The following CNBD2 variants were observed in gnomAD, a reference collection of about 807,000 sequenced individuals.
CNBD2 encodes the protein cyclic nucleotide-binding domain-containing protein 2.
CNBD2 carries 64 observed loss-of-function variants against 63.7 expected under a neutral mutation model. The observed-to-expected ratio is 1.00, with a 90% CI of 0.82 to 1.24. The LOEUF (loss-of-function observed/expected upper bound fraction) is 1.24. Ranked by LOEUF, CNBD2 falls within the 50% of genes most tolerant of loss-of-function variation. The probability of loss-of-function intolerance (pLI) is 0.00; values close to 1 mark genes in which losing one functional copy is unlikely to be tolerated. For missense variants in CNBD2, 691 were observed against 713.5 expected (o/e 0.97, Z 0.36); for synonymous variants, 229 against 255.4 (o/e 0.90, Z 0.99).
chr20:36,030,042 GC>G (rs2057325831), intron 11 of CNBD2, among the ~76,000 whole-genome samples: 1 of 152,162 alleles, frequency 6.6e-6, no homozygotes, highest in South Asian at 2.1e-4. Flanking sequence ...TGATTAAGGA[GC>G]TATTTTACTT....
At chr20:35,968,417 C>A (rs1392723674), upstream of CNBD2, among the ~76,000 whole-genome samples, 1 of 152,154 alleles carries the variant, frequency 6.6e-6, no homozygotes, top group Non-Finnish European at 1.5e-5. Context: ...CTACTTTGAG[C>A]CCCAGTCTCC....
chr20:35,986,304 G>A (rs2147248764), intron 6 of CNBD2, among the ~76,000 whole-genome samples: 1 of 152,186 alleles, frequency 6.6e-6, no homozygotes, highest in South Asian at 2.1e-4. Flanking sequence ...TGGAAAAGTG[G>A]GGATTTAGTC....
chr20:35,986,571 T>G (rs1193605457), intron 6 of CNBD2, among the ~76,000 whole-genome samples: 1 of 152,180 alleles, frequency 6.6e-6, no homozygotes, highest in Non-Finnish European at 1.5e-5. Flanking sequence ...GGCCCTACTT[T>G]TCTTCTGGTG....
chr20:35,958,660 G>A (rs539729232), downstream of CNBD2, among the ~76,000 whole-genome samples: 3 of 152,098 alleles, frequency 2.0e-5, no homozygotes, highest in South Asian at 6.2e-4. Flanking sequence ...GTGTGTGTGT[G>A]TAGGTCTATG....
At chr20:35,984,502 A>G (rs559525000) in intron 5 of CNBD2, 125 bp from the exon 6 acceptor site, 14 of 990,206 alleles carry the variant, frequency 1.4e-5, no homozygotes, top group Middle Eastern at 3.3e-4. Flanking sequence ...AGAGGAGGCT[A>G]GGGAACACAC....
At chr20:35,986,696 ACTC>A (rs2056672380) in intron 6 of CNBD2, among the ~76,000 whole-genome samples, 1 of 152,176 alleles carries the variant, frequency 6.6e-6, no homozygotes, top group Admixed American at 6.5e-5. Context: ...GATTCAATGA[ACTC>A]AGTCCACCTG....
chr20:35,972,886 C>A, intron 2 of CNBD2, 120 bp downstream of exon 2: 2 of 905,890 alleles, frequency 2.2e-6, no homozygotes, highest in Non-Finnish European at 3.4e-6. Flanking sequence ...GATGAGAGAC[C>A]CAATGGTCAC....
chr20:36,024,669 C>T (rs1442544779), intron 11 of CNBD2, among the ~76,000 whole-genome samples: 1 of 151,164 alleles, frequency 6.6e-6, no homozygotes, highest in Non-Finnish European at 1.5e-5. Context: ...TGGCTCATGC[C>T]TGTAATCCCA....
intron 11 of CNBD2, among the ~76,000 whole-genome samples, chr20:36,024,083 C>A (rs994197179): frequency 6.6e-6 from 1 of 152,226 alleles, no homozygotes; most frequent in Non-Finnish European, 1.5e-5. Flanking sequence ...CGCCTATAAT[C>A]CCAGCACTTT....
chr20:36,002,821 T>A (rs1453345378), intron 8 of CNBD2, among the ~76,000 whole-genome samples: 2 of 152,034 alleles, frequency 1.3e-5, no homozygotes, highest in Non-Finnish European at 2.9e-5. Context: ...TTGACCATGA[T>A]TTTTTCAAAA....
chr20:36,025,371 G>A (rs2057270971), intron 11 of CNBD2, among the ~76,000 whole-genome samples: 1 of 151,966 alleles, frequency 6.6e-6, no homozygotes, highest in Non-Finnish European at 1.5e-5. Context: ...TTCTCACTCT[G>A]TTCCCCAGGC....
intron 8 of CNBD2, among the ~76,000 whole-genome samples, chr20:36,000,123 C>G (rs139546386): frequency 6.6e-6 from 1 of 152,200 alleles, no homozygotes. Flanking sequence ...GCCTGAAGTA[C>G]TTCCTTTAAC....
chr20:35,965,825 G>A (rs1449037394), upstream of CNBD2, among the ~76,000 whole-genome samples: 2 of 152,150 alleles, frequency 1.3e-5, no homozygotes, highest in African/African-American at 4.8e-5. Context: ...CCCATTCATA[G>A]CTCTCCAAAC....
Position 35,968,778 on chromosome 20 carries a change from G to A in CNBD2, c.16G>A (p.Val6Ile), listed in dbSNP as rs1184344164. 1 of 1,609,364 alleles carries A rather than the reference G, an allele frequency of 6.2e-7. No individual in the cohort carries two copies. Among genetic ancestry groups the A allele is most frequent in the South Asian group, 1.1e-5 (1 of 89,202 alleles). The change falls in exon 1 of 12, where the codon GTA (valine) becomes ATA (isoleucine). Residue 6 changes from valine to isoleucine, a missense_variant. Val to Ile is a conservative substitution (Grantham distance 29). Coordinates refer to ENST00000373973, the MANE Select transcript of CNBD2 (RefSeq NM_001365709.1). MRRHM[V>I]TYAWQLLKKE... ...CACAGGAACCATGAGGAGACATATG[G>A]TAACTTATGCCTGGCAGCTCCTGAA...
chr20:35,972,696 T>C lies in CNBD2; in HGVS notation c.119T>C (p.Leu40Pro), dbSNP rs1287106771. The change falls in exon 2 of 12, where the codon CTC becomes CCC. Residue 40 changes from leucine (L) to proline (P), a missense_variant. Coordinates refer to ENST00000373973, the MANE Select transcript of CNBD2 (RefSeq NM_001365709.1). Reference sequence around the variant, plus strand: ...GTGTGTAAAATGTTCCGCCAAGGCCTCAGGGGATTCCGGGAATATCAAATC... The same window carrying C: ...GTGTGTAAAATGTTCCGCCAAGGCCCCAGGGGATTCCGGGAATATCAAATC... ...IRVCKMFRQGLRGFREYQIIE... is the reference protein window; with the variant it reads ...IRVCKMFRQGPRGFREYQIIE... 1 of 1,614,080 alleles carries C rather than the reference T, an allele frequency of 6.2e-7. No individual in the cohort carries two copies. Among genetic ancestry groups the C allele is most frequent in the African/African-American group, 1.3e-5 (1 of 75,032 alleles).
At chr20:36,003,085 G>C (rs2056937760) in intron 8 of CNBD2, among the ~76,000 whole-genome samples, 1 of 151,690 alleles carries the variant, frequency 6.6e-6, no homozygotes, top group Non-Finnish European at 1.5e-5. Context: ...ATCCCACCTA[G>C]TGTACTTTTC....
intron 8 of CNBD2, among the ~76,000 whole-genome samples, chr20:36,001,559 A>C (rs1022058335): frequency 2.7e-5 from 4 of 146,518 alleles, no homozygotes; most frequent in African/African-American, 1.0e-4. Context: ...CACTTCCCAG[A>C]CGGGGTGGCT....
chr20:36,006,187 C>T (rs1205546593), intron 8 of CNBD2, among the ~76,000 whole-genome samples: 1 of 151,582 alleles, frequency 6.6e-6, no homozygotes, highest in East Asian at 2.0e-4. Context: ...CACCACCATG[C>T]CCAGCTAATT....
At chr20:36,002,335 G>A (rs1307640181) in intron 8 of CNBD2, among the ~76,000 whole-genome samples, 1 of 152,164 alleles carries the variant, frequency 6.6e-6, no homozygotes. Context: ...GCAGTGAGCC[G>A]AGATGGCAGC....
Sources: allele counts gnomAD v4.1 joint callset (sites outside exome capture counted in the v4.1 genomes callset), GRCh38; gene constraint gnomAD v4.1.1; transcripts MANE v1.5; gene names NCBI Gene and HGNC (gene_info 2026-07-23, HGNC 2026-07-21).